ALPL: variants seen among roughly 807,000 people sequenced by gnomAD.
ALPL encodes alkaline phosphatase, tissue-nonspecific isozyme.
Under a neutral mutation model 51.3 loss-of-function variants are expected in ALPL, and 42 were observed. The observed-to-expected ratio is 0.82, with a 90% confidence interval of 0.64 to 1.06. The LOEUF is 1.06. Among genes scored for constraint, ALPL ranks in the 50% least tolerant of loss-of-function variants. ALPL has a pLI of 0.00. For missense variants in ALPL, 589 were observed against 709.4 expected (o/e 0.83, Z 1.93); for synonymous variants, 279 against 296.4 (o/e 0.94, Z 0.60).
chr1:21,547,378 C>T (rs552538638), intron 1 of ALPL, among the ~76,000 whole-genome samples: 2 of 152,298 alleles, frequency 1.3e-5, no homozygotes, highest in East Asian at 3.9e-4. Context: ...GTGGTGGCTG[C>T]TCCCAGGGGC....
intron 8 of ALPL, among the ~76,000 whole-genome samples, chr1:21,571,044 C>T (rs1644640348): frequency 6.6e-6 from 1 of 152,212 alleles, no homozygotes; most frequent in African/African-American, 2.4e-5. Flanking sequence ...CAGACACATG[C>T]ACACAGCCTC....
At chr1:21,575,433 G>A (rs972228678) in intron 9 of ALPL, among the ~76,000 whole-genome samples, 2 of 152,186 alleles carry the variant, frequency 1.3e-5, no homozygotes, top group African/African-American at 2.4e-5. Flanking sequence ...GCTAGAGACA[G>A]TGCTGGGAGG....
chr1:21,560,471 A>G (rs1004421596), intron 2 of ALPL, among the ~76,000 whole-genome samples, 155 bp from the exon 3 acceptor site: 3 of 152,116 alleles, frequency 2.0e-5, no homozygotes, highest in Non-Finnish European at 2.9e-5. Flanking sequence ...GCACATATTT[A>G]TAAACCACAG....
intron 1 of ALPL, among the ~76,000 whole-genome samples, chr1:21,530,420 G>GT (rs1272556215): frequency 2.0e-5 from 3 of 152,164 alleles, no homozygotes; most frequent in Non-Finnish European, 4.4e-5. Context: ...CAGCTATTCT[G>GT]TTTGATGCTG....
intron 11 of ALPL, among the ~76,000 whole-genome samples, chr1:21,577,018 G>A (rs562926766): frequency 1.3e-5 from 2 of 152,124 alleles, no homozygotes; most frequent in East Asian, 1.9e-4. Context: ...TCCAGTATAC[G>A]AGACTTTGCA....
chr1:21,529,101 A>G (rs190127655), intron 1 of ALPL, among the ~76,000 whole-genome samples: 16 of 151,886 alleles, frequency 1.1e-4, no homozygotes, highest in African/African-American at 3.6e-4. Context: ...TTATGGAGTC[A>G]GTATTCTTTG....
intron 1 of ALPL, among the ~76,000 whole-genome samples, chr1:21,535,072 C>T (rs772930654): frequency 7.9e-5 from 12 of 152,204 alleles, no homozygotes; most frequent in Non-Finnish European, 1.5e-4. Flanking sequence ...CAGCCCCTGG[C>T]ATATTGTGGC....
chr1:21,573,858 T>C, intron 9 of ALPL, 59 bp downstream of exon 9: 1 of 1,611,976 alleles, frequency 6.2e-7, no homozygotes, highest in Non-Finnish European at 8.5e-7. Flanking sequence ...GGTGTCAGGA[T>C]GGAGAAGTCC....
At chr1:21,546,568 G>T (rs1272634087) in intron 1 of ALPL, among the ~76,000 whole-genome samples, 1 of 152,210 alleles carries the variant, frequency 6.6e-6, no homozygotes, top group African/African-American at 2.4e-5. Flanking sequence ...AGCAGAAAAG[G>T]CCCCTCCGTG....
intron 1 of ALPL, among the ~76,000 whole-genome samples, chr1:21,550,243 G>T (rs1343701260): frequency 6.6e-6 from 1 of 152,160 alleles, no homozygotes; most frequent in Non-Finnish European, 1.5e-5. Flanking sequence ...TTTTACACTT[G>T]GGGGCAACAG....
chr1:21,549,975 C>T (rs1345051510), intron 1 of ALPL, among the ~76,000 whole-genome samples: 4 of 152,148 alleles, frequency 2.6e-5, no homozygotes, highest in East Asian at 1.9e-4. Context: ...AGTGGAGAGA[C>T]GTGGTGTCTT....
At chr1:21,551,811 C>T (rs1268935686) in intron 1 of ALPL, among the ~76,000 whole-genome samples, 2 of 148,810 alleles carry the variant, frequency 1.3e-5, no homozygotes, top group Non-Finnish European at 3.0e-5. Flanking sequence ...CTGCAAGCTC[C>T]GCCTCCCGGG....
chr1:21,577,198 G>A (rs1040395176), intron 11 of ALPL, among the ~76,000 whole-genome samples, 185 bp from the exon 12 acceptor site: 3 of 152,208 alleles, frequency 2.0e-5, no homozygotes, highest in African/African-American at 7.2e-5. Context: ...GCAGACTCCT[G>A]TGTCAGAACA....
At chr1:21,553,713 T>C (rs1644361506) in intron 1 of ALPL, among the ~76,000 whole-genome samples, 1 of 152,196 alleles carries the variant, frequency 6.6e-6, no homozygotes, top group African/African-American at 2.4e-5. Flanking sequence ...TTCAGATGAA[T>C]TGAAAGTGGA....
At chr1:21,547,303 G>A (rs1224841581) in intron 1 of ALPL, among the ~76,000 whole-genome samples, 3 of 152,198 alleles carry the variant, frequency 2.0e-5, no homozygotes, top group Non-Finnish European at 4.4e-5. Context: ...TTAACCCAGG[G>A]ATAAAGCGGG....
chr1:21,520,466 C>CTTTTTTTTTTTT (rs35922763), intron 1 of ALPL, among the ~76,000 whole-genome samples: 1 of 111,462 alleles, frequency 9.0e-6, no homozygotes, highest in African/African-American at 3.6e-5. Context: ...TCTTTTTTCT[C>CTTTTTTTTTTTT]TTTTTTTTTT....
At chr1:21,575,062 G>A (rs1264721380) in intron 9 of ALPL, among the ~76,000 whole-genome samples, 2 of 152,214 alleles carry the variant, frequency 1.3e-5, no homozygotes, top group Admixed American at 6.5e-5. Flanking sequence ...CGGAGGCTGC[G>A]AGGGTTCAGG....
rs770539523 is a variant in ALPL at position 21,568,200 on chromosome 1, G to A, written c.745G>A (p.Gly249Ser). 6.8e-6 allele frequency: 11 copies of A among 1,613,944 alleles called. No individual in the cohort carries two copies. Among genetic ancestry groups the A allele is most frequent in the Admixed American group, 6.7e-5 (4 of 59,986 alleles). Reference sequence around the variant, plus strand: ...GAAAGCCAGGGGCACGAGGCTGGACGGCCTGGACCTCGTTGACACCTGGAA... The same window carrying A: ...GAAAGCCAGGGGCACGAGGCTGGACAGCCTGGACCTCGTTGACACCTGGAA... The part of the protein sequence containing the change: ...DEKARGTRLD[G>S]LDLVDTWKSF... Residue 249 changes from glycine to serine, a missense_variant, in exon 7 of 12, where the codon GGC becomes AGC. By Grantham distance (56) the Gly-to-Ser change is moderately conservative (BLOSUM62 0). Transcript: ENST00000374840.
rs1329922471 is a variant in ALPL, at chr1:21,531,881, G to C, written c.-104-22097G>C. 2.6e-5 allele frequency among the ~76,000 whole-genome samples: 4 copies of C among 152,088 alleles called. No individual in the cohort carries two copies. The East Asian group carries it at 7.8e-4, about 29-fold the overall frequency. On this transcript the variant is annotated intron_variant, in intron 1 of 11. Coordinates refer to ENST00000374840, the MANE Select transcript of ALPL (RefSeq NM_000478.6). ...AGACCATGCCCTGCCTTTTCTCCTG[G>C]CTGCAGCAACCCCTCCCCGCCACCC...
Sources: gnomAD v4.1 joint callset for allele counts (sites outside exome capture counted in the v4.1 genomes callset) on GRCh38, gnomAD v4.1.1 for gene constraint, MANE v1.5 for transcripts, NCBI Gene and HGNC (gene_info 2026-07-23, HGNC 2026-07-21) for gene names.